PTPRO: variants seen among roughly 807,000 people sequenced by gnomAD.
PTPRO encodes the protein receptor-type tyrosine-protein phosphatase O.
PTPRO carries 62 observed loss-of-function variants against 145.2 expected under a neutral mutation model. The ratio of observed to expected loss-of-function variants is 0.43; its 90% CI spans 0.35 to 0.53. The LOEUF (loss-of-function observed/expected upper bound fraction) is 0.53, where lower values mean the gene tolerates loss of function less well. Ranked by LOEUF, PTPRO falls within the 20% of genes least tolerant of loss-of-function variation. The pLI is 0.01. For synonymous variants in PTPRO, 565 were observed against 514.7 expected (o/e 1.10, Z -1.32); for missense variants, 1,345 against 1,482.7 (o/e 0.91, Z 1.53).
At chr12:15,558,081 C>T (rs543595926) in intron 16 of PTPRO, among the ~76,000 whole-genome samples, 9 of 151,976 alleles carry the variant, frequency 5.9e-5, no homozygotes, top group Admixed American at 2.0e-4. Context: ...ACTACAGGCG[C>T]GCACCACCAA....
At chr12:15,437,948 A>G (rs1431952115) in intron 1 of PTPRO, among the ~76,000 whole-genome samples, 1 of 152,190 alleles carries the variant, frequency 6.6e-6, no homozygotes, top group Non-Finnish European at 1.5e-5. Context: ...GTATTCTATG[A>G]ATCAACCCAT....
intron 1 of PTPRO, among the ~76,000 whole-genome samples, chr12:15,346,008 T>C (rs1412869802): frequency 1.3e-5 from 2 of 152,160 alleles, no homozygotes; most frequent in African/African-American, 2.4e-5. Flanking sequence ...AGAGTCCAAA[T>C]CAGAAACTTT....
chr12:15,415,432 T>G (rs918846781), intron 1 of PTPRO, among the ~76,000 whole-genome samples: 4 of 151,320 alleles, frequency 2.6e-5, no homozygotes, highest in South Asian at 2.1e-4. Flanking sequence ...TCGCCCAGGC[T>G]GGAGTGCAGT....
intron 3 of PTPRO, among the ~76,000 whole-genome samples, chr12:15,497,829 TGCTGTATGACCA>T (rs1488389494): frequency 6.6e-5 from 10 of 152,222 alleles, no homozygotes; most frequent in Non-Finnish European, 1.3e-4. Context: ...TCAAATGCAA[TGCTGTATGACCA>T]GCTAAATGCA....
At chr12:15,427,922 G>T (rs1423306677) in intron 1 of PTPRO, among the ~76,000 whole-genome samples, 2 of 151,940 alleles carry the variant, frequency 1.3e-5, no homozygotes, top group African/African-American at 4.8e-5. Context: ...TCAAATATCT[G>T]GTGAAACTTG....
intron 1 of PTPRO, among the ~76,000 whole-genome samples, chr12:15,397,259 G>C (rs990717051): frequency 1.4e-4 from 21 of 152,016 alleles, no homozygotes; most frequent in African/African-American, 4.8e-4. Context: ...TGCAAGCGAA[G>C]AACAGAAATA....
chr12:15,499,099 G>T (rs1253193642), intron 3 of PTPRO, among the ~76,000 whole-genome samples: 1 of 152,064 alleles, frequency 6.6e-6, no homozygotes, highest in Non-Finnish European at 1.5e-5. Flanking sequence ...AAATACCTTG[G>T]ATTTTTATCT....
In PTPRO at chr12:15,467,820, C is replaced by T. The variant is rs11056508; in HGVS notation, c.76-16154C>T. ...TAACACCTCCAGGTGAAACCCAGCC[C>T]TTTCTACAAGTTCCATGGATGATCC... On this transcript the variant is annotated intron_variant, in intron 1 of 26. Transcript: ENST00000281171. 1.1e-4 allele frequency among the ~76,000 whole-genome samples: 16 copies of T among 152,342 alleles called. 1 individual carries two copies. In the East Asian group the frequency reaches 3.1e-3, roughly 29 times the overall value.
At chr12:15,325,450 T>G (rs1866418760) in intron 1 of PTPRO, among the ~76,000 whole-genome samples, 1 of 152,220 alleles carries the variant, frequency 6.6e-6, no homozygotes, top group African/African-American at 2.4e-5. Context: ...AATCATTCAC[T>G]GCACATTATG....
intron 1 of PTPRO, chr12:15,440,064 C>T: frequency 1.6e-6 from 1 of 640,464 alleles, no homozygotes; most frequent in Non-Finnish European, 2.8e-6. Context: ...CACACTGTCC[C>T]TTGCAAGGTG....
At chr12:15,590,621 T>C (rs1035045715) in intron 25 of PTPRO, among the ~76,000 whole-genome samples, 1 of 152,152 alleles carries the variant, frequency 6.6e-6, no homozygotes, top group African/African-American at 2.4e-5. Flanking sequence ...TCCTCCTACC[T>C]CCCCATTCTT....
intron 1 of PTPRO, among the ~76,000 whole-genome samples, chr12:15,411,345 G>A (rs1201152897): frequency 1.3e-5 from 2 of 152,174 alleles, no homozygotes; most frequent in Non-Finnish European, 2.9e-5. Context: ...ATAAAAAATA[G>A]GGAGTTACAT....
intron 7 of PTPRO, among the ~76,000 whole-genome samples, chr12:15,511,945 A>G (rs1591668554): frequency 6.6e-6 from 1 of 152,200 alleles, no homozygotes; most frequent in Non-Finnish European, 1.5e-5. Flanking sequence ...ATCAAAAGAA[A>G]GGAACCTTAA....
chr12:15,568,664 G>T (rs866669455), intron 18 of PTPRO, among the ~76,000 whole-genome samples: 22 of 151,686 alleles, frequency 1.5e-4, no homozygotes, highest in African/African-American at 4.6e-4. Flanking sequence ...AACTACAGGA[G>T]ATAAAACTTG....
At chr12:15,364,622 T>C (rs1036114764) in intron 1 of PTPRO, among the ~76,000 whole-genome samples, 1 of 152,102 alleles carries the variant, frequency 6.6e-6, no homozygotes, top group Non-Finnish European at 1.5e-5. Context: ...TTATTGACTG[T>C]AATTAAACTC....
intron 1 of PTPRO, among the ~76,000 whole-genome samples, chr12:15,378,110 T>G (rs1470279683): frequency 1.3e-5 from 2 of 151,480 alleles, no homozygotes; most frequent in East Asian, 1.9e-4. Flanking sequence ...AAACTAAACC[T>G]AAAGCAAGCA....
At chr12:15,475,423 GA>G (rs1394368394) in intron 1 of PTPRO, among the ~76,000 whole-genome samples, 1 of 152,050 alleles carries the variant, frequency 6.6e-6, no homozygotes, top group African/African-American at 2.4e-5. Flanking sequence ...GAATAATAAG[GA>G]AATATAAATA....
chr12:15,521,430 T>C (rs1017933491), intron 10 of PTPRO, among the ~76,000 whole-genome samples: 8 of 152,218 alleles, frequency 5.3e-5, no homozygotes, highest in African/African-American at 1.9e-4. Context: ...GTCTTTTGCC[T>C]ATAATGATAA....
intron 1 of PTPRO, among the ~76,000 whole-genome samples, chr12:15,383,157 A>G (rs1938917497): frequency 6.6e-6 from 1 of 151,810 alleles, no homozygotes; most frequent in African/African-American, 2.4e-5. Flanking sequence ...GGGAACCACT[A>G]CTCTGCTCTA....
Sources: gnomAD v4.1 joint callset for allele counts (sites outside exome capture counted in the v4.1 genomes callset) on GRCh38, gnomAD v4.1.1 for gene constraint, MANE v1.5 for transcripts, NCBI Gene and HGNC (gene_info 2026-07-23, HGNC 2026-07-21) for gene names.